FLVCR2: variants seen among roughly 807,000 people sequenced by gnomAD.
FLVCR2 encodes choline/ethanolamine transporter FLVCR2.
In FLVCR2, 38 loss-of-function variants were observed where a neutral mutation model predicts 48.9. The ratio of observed to expected loss-of-function variants is 0.78; its 90% confidence interval spans 0.60 to 1.02. The LOEUF (loss-of-function observed/expected upper bound fraction) is 1.02, where lower values mean the gene tolerates loss of function less well. Ranked by LOEUF, FLVCR2 falls within the 50% of genes least tolerant of loss-of-function variation. FLVCR2 has a pLI of 0.00. For missense variants in FLVCR2, 664 were observed against 663.3 expected (o/e 1.00, Z -0.01); for synonymous variants, 255 against 257.0 (o/e 0.99, Z 0.07).
chr14:75,635,750 A>G (rs1040789487), intron 5 of FLVCR2, among the ~76,000 whole-genome samples: 2 of 152,156 alleles, frequency 1.3e-5, no homozygotes, highest in Non-Finnish European at 2.9e-5. Flanking sequence ...CTGAAGTCCC[A>G]GCTATTTGGG....
At position 75,646,563 on chromosome 14, in the gene FLVCR2, A is replaced by G. The variant is rs546945130; in HGVS notation, c.*91A>G. On this transcript the variant is annotated 3_prime_UTR_variant, in exon 10 of 10. Coordinates refer to ENST00000238667, the MANE Select transcript of FLVCR2 (RefSeq NM_017791.3). ...GCCAGCACAAAGGGCTTCGCTAGAG[A>G]TGTTTTTGGAGGGAATCAGTGGGAC... is the stretch of plus-strand genomic sequence containing the variant. The G allele has an allele frequency of 2.0e-5, 18 of 907,176 alleles. No homozygotes were observed. The highest frequency in any genetic ancestry group is 2.1e-4 in the Middle Eastern group (1 of 4,736). 56.2% of individuals were successfully genotyped at this position (907,176 alleles called of 1,614,324 possible). A position where few individuals can be genotyped will look rare whatever the true frequency, so the allele number is the denominator to read the frequency against.
At chr14:75,642,675 AATC>A (rs137906620) in intron 9 of FLVCR2, among the ~76,000 whole-genome samples, 452 of 152,288 alleles carry the variant, frequency 3.0e-3, no homozygotes, top group African/African-American at 0.01. Context: ...AAAATTTAAA[AATC>A]ATCCTGTAAT....
At chr14:75,582,727 T>C (rs1253406770) in intron 1 of FLVCR2, among the ~76,000 whole-genome samples, 2 of 152,114 alleles carry the variant, frequency 1.3e-5, no homozygotes, top group African/African-American at 4.8e-5. Context: ...CTAGGGCTGT[T>C]TTTAAGGAAC....
At chr14:75,588,053 T>C (rs1888793153) in intron 1 of FLVCR2, among the ~76,000 whole-genome samples, 4 of 152,276 alleles carry the variant, frequency 2.6e-5, no homozygotes, top group African/African-American at 9.6e-5. Flanking sequence ...AAGTCACATG[T>C]AACTAAATTT....
At chr14:75,639,950 C>T (rs1196190954) in intron 6 of FLVCR2, among the ~76,000 whole-genome samples, 1 of 152,168 alleles carries the variant, frequency 6.6e-6, no homozygotes, top group Non-Finnish European at 1.5e-5. Flanking sequence ...CATCAAGAAG[C>T]ATTGTGAAAA....
intron 1 of FLVCR2, among the ~76,000 whole-genome samples, chr14:75,598,642 G>C (rs1467510525): frequency 6.6e-6 from 1 of 151,922 alleles, no homozygotes; most frequent in African/African-American, 2.4e-5. Context: ...TGCCTGGCTA[G>C]TTATTTTATT....
chr14:75,605,139 T>C (rs1889259098), intron 1 of FLVCR2, among the ~76,000 whole-genome samples: 1 of 152,214 alleles, frequency 6.6e-6, no homozygotes, highest in Non-Finnish European at 1.5e-5. Flanking sequence ...TAACAGGATG[T>C]CCTTCCCTTG....
At chr14:75,644,654 T>C (rs1427195090) in intron 9 of FLVCR2, among the ~76,000 whole-genome samples, 1 of 152,132 alleles carries the variant, frequency 6.6e-6, no homozygotes, top group East Asian at 1.9e-4. Flanking sequence ...GTCAAAGTCA[T>C]GCTGGGACTG....
At chr14:75,643,301 A>C (rs1890346607) in intron 9 of FLVCR2, among the ~76,000 whole-genome samples, 1 of 152,238 alleles carries the variant, frequency 6.6e-6, no homozygotes, top group African/African-American at 2.4e-5. Context: ...TGGAAGCTGA[A>C]TCTTTGTGCA....
intron 9 of FLVCR2, among the ~76,000 whole-genome samples, chr14:75,642,800 A>G (rs1890332507): frequency 6.6e-6 from 1 of 152,214 alleles, no homozygotes; most frequent in African/African-American, 2.4e-5. Flanking sequence ...ATATTTTTAA[A>G]CAGAAATAAA....
chr14:75,644,927 C>T lies in FLVCR2; in HGVS notation c.1510-1474C>T, dbSNP rs181951720. Among the ~76,000 whole-genome samples the T allele has an allele frequency of 8.0e-3, 1,220 of 152,214 alleles. 11 individuals are homozygous for T. The highest frequency in any genetic ancestry group is 9.7e-3 in the Non-Finnish European group (657 of 68,006). On this transcript the variant is annotated intron_variant, in intron 9 of 9. Transcript: ENST00000238667. The stretch of plus-strand genomic sequence containing the variant: ...TGAACATCTTACTGGTTTGGGTTTC[C>T]ATTTTTCTTCTAGCACATAGACAGT...
At position 75,622,169 on chromosome 14, in the gene FLVCR2, TTCTA is replaced by T; in HGVS notation, c.762_765del (p.Phe254LeufsTer2). On this transcript the variant is annotated frameshift_variant, in exon 2 of 10. Coordinates refer to ENST00000238667, the MANE Select transcript of FLVCR2 (RefSeq NM_017791.3). LOFTEE classifies it high-confidence loss of function. ...GCTTGCCTACCACATCAGCATCATG[TTCTA>T]TATAATAGGAGGTGTGGCCACTCTC... 1 of 1,614,022 alleles carries T rather than the reference TTCTA, an allele frequency of 6.2e-7. No homozygotes were observed. Among genetic ancestry groups the T allele is most frequent in the Non-Finnish European group, 8.5e-7 (1 of 1,179,916 alleles).
Position 75,641,213 on chromosome 14 carries a change from G to T in FLVCR2, c.1373G>T (p.Gly458Val), listed in dbSNP as rs755468465. ...GGGATCATCTTTACCATCTCCCAGGGCCAGATTATTGACAACTATGGAACC... is the reference window on the plus strand; with the variant it reads ...GGGATCATCTTTACCATCTCCCAGGTCCAGATTATTGACAACTATGGAACC... The part of the protein sequence containing the change: ...VFGIIFTISQ[G>V]QIIDNYGTKP... The change falls in exon 8 of 10, where the codon GGC becomes GTC. Residue 458 changes from glycine (G) to valine (V), a missense_variant. By Grantham distance (109) the Gly-to-Val change is moderately radical. Transcript: ENST00000238667. The T allele has an allele frequency of 6.2e-7, 1 of 1,613,834 alleles. No homozygotes were observed. The highest frequency in any genetic ancestry group is 1.7e-5 in the Admixed American group (1 of 60,010).
intron 1 of FLVCR2, among the ~76,000 whole-genome samples, chr14:75,616,172 A>G (rs1217066062): frequency 6.6e-6 from 1 of 151,828 alleles, no homozygotes; most frequent in Admixed American, 6.6e-5. Context: ...ACAAAAAATT[A>G]AAAAATCAGC....
chr14:75,602,126 T>C (rs1447979676), intron 1 of FLVCR2, among the ~76,000 whole-genome samples: 1 of 152,236 alleles, frequency 6.6e-6, no homozygotes, highest in Non-Finnish European at 1.5e-5. Context: ...TTCCAAGCCC[T>C]ATCCTGCCAC....
intron 1 of FLVCR2, among the ~76,000 whole-genome samples, chr14:75,596,596 CTG>C (rs1196132175): frequency 6.6e-6 from 1 of 151,982 alleles, no homozygotes; most frequent in African/African-American, 2.4e-5. Context: ...TATGTGAAAT[CTG>C]TATTTTGTAA....
At position 75,579,629 on chromosome 14, in the gene FLVCR2, C is replaced by A; in HGVS notation, c.657C>A (p.Val219=). The A allele has an allele frequency of 6.2e-7, 1 of 1,614,156 alleles. No individual in the cohort carries two copies. Among genetic ancestry groups the A allele is most frequent in the South Asian group, 1.1e-5 (1 of 91,076 alleles). The change falls in exon 1 of 10, where the codon GTC becomes GTA. Residue 219 remains valine (V), a synonymous_variant. Coordinates refer to ENST00000238667, the MANE Select transcript of FLVCR2 (RefSeq NM_017791.3). ...NEVSTACSVA[V]FGNQLGIAIG... ...TTTCAACAGCCTGCTCCGTGGCTGT[C>A]TTTGGCAATCAGGTAGGTAGAACAG...
At chr14:75,611,544 T>G (rs560748905) in intron 1 of FLVCR2, among the ~76,000 whole-genome samples, 11 of 152,218 alleles carry the variant, frequency 7.2e-5, no homozygotes, top group Admixed American at 6.5e-4. Context: ...GAGACCAACC[T>G]GGGCAACATG....
Position 75,624,645 on chromosome 14 carries a change from G to C in FLVCR2, c.845G>C (p.Arg282Thr), listed in dbSNP as rs780280916. ...GAGAAACCTAAATATCCCCCCAGCA[G>C]GGCCCAATCCCTGAGCTATGCCTTG... is the stretch of plus-strand genomic sequence containing the variant. ...FKEKPKYPPS[R>T]AQSLSYALTS... The change falls in exon 3 of 10, where the codon AGG (arginine) becomes ACG (threonine). Residue 282 changes from arginine to threonine, a missense_variant. Coordinates refer to ENST00000238667, the MANE Select transcript of FLVCR2 (RefSeq NM_017791.3). The C allele has an allele frequency of 2.5e-6, 4 of 1,614,048 alleles. No homozygotes were observed. In the South Asian group the frequency reaches 4.4e-5, roughly 18 times the overall value.
Sources: gnomAD v4.1 joint callset for allele counts (sites outside exome capture counted in the v4.1 genomes callset) on GRCh38, gnomAD v4.1.1 for gene constraint, MANE v1.5 for transcripts, NCBI Gene and HGNC (gene_info 2026-07-23, HGNC 2026-07-21) for gene names.